Variants in NALF1 observed in about 807,000 individuals in gnomAD.
NALF1 encodes the protein NALCN channel auxiliary factor 1, also known as family with sequence similarity 155 member A.
A neutral mutation model predicts 48.4 loss-of-function variants in NALF1; 3 were observed. The observed-to-expected ratio is 0.06, with a 90% confidence interval of 0.03 to 0.16. The LOEUF is 0.16. NALF1 is among the 10% of genes least tolerant of loss of function. NALF1 has a pLI of 1.00. For synonymous variants in NALF1, 262 were observed against 245.7 expected (o/e 1.07, Z -0.62); for missense variants, 526 against 571.5 (o/e 0.92, Z 0.81).
chr13:107,660,533 G>C (rs576506368), intron 1 of NALF1, among the ~76,000 whole-genome samples: 1 of 151,024 alleles, frequency 6.6e-6, no homozygotes, highest in African/African-American at 2.4e-5. Flanking sequence ...AAAACTTACT[G>C]TTCATATGAA....
chr13:107,590,549 G>C (rs1464103460), intron 1 of NALF1, among the ~76,000 whole-genome samples: 2 of 151,702 alleles, frequency 1.3e-5, no homozygotes, highest in Non-Finnish European at 2.9e-5. Flanking sequence ...ATAATGTTTT[G>C]TATATTTGGT....
chr13:107,262,551 C>G (rs1012319265), intron 1 of NALF1, among the ~76,000 whole-genome samples: 1 of 152,160 alleles, frequency 6.6e-6, no homozygotes, highest in Non-Finnish European at 1.5e-5. Flanking sequence ...AATTCACTTC[C>G]AAAATGTATG....
chr13:107,818,701 T>G (rs1879251150), intron 1 of NALF1, among the ~76,000 whole-genome samples: 1 of 149,740 alleles, frequency 6.7e-6, no homozygotes. Flanking sequence ...TGAAACCCCG[T>G]CTCTACTAAA....
intron 1 of NALF1, among the ~76,000 whole-genome samples, chr13:107,727,137 C>T (rs1335470010): frequency 6.6e-6 from 1 of 151,680 alleles, no homozygotes; most frequent in Non-Finnish European, 1.5e-5. Flanking sequence ...TAAAGGATAT[C>T]GCATATTTAA....
At chr13:107,840,368 G>C (rs1880010631) in intron 1 of NALF1, among the ~76,000 whole-genome samples, 1 of 152,202 alleles carries the variant, frequency 6.6e-6, no homozygotes, top group Non-Finnish European at 1.5e-5. Flanking sequence ...AGTGGCAGTA[G>C]GTGGTCCATA....
At chr13:107,184,681 C>T (rs1473081890) in intron 2 of NALF1, among the ~76,000 whole-genome samples, 2 of 152,146 alleles carry the variant, frequency 1.3e-5, no homozygotes, top group Non-Finnish European at 2.9e-5. Context: ...GTTTAAAGGG[C>T]CTTTTTGTCC....
At chr13:107,722,813 A>G (rs1212713198) in intron 1 of NALF1, among the ~76,000 whole-genome samples, 1 of 152,188 alleles carries the variant, frequency 6.6e-6, no homozygotes, top group African/African-American at 2.4e-5. Context: ...CACTCAGCCC[A>G]GTCAGCTCAG....
rs78934003 is a variant in NALF1 at position 107,418,387 on chromosome 13, C to T, written c.916-207632G>A. Among the ~76,000 whole-genome samples, 80 of 152,206 alleles carry T rather than the reference C, an allele frequency of 5.3e-4. 2 individuals carry two copies. In the East Asian group the frequency reaches 0.014, roughly 27 times the overall value. Reference sequence around the variant, plus strand: ...CAACTCCCAATATGAGGCTGTAAAACGATTGTGCTTGTGGCTTGCAGCTTG... The same window carrying T: ...CAACTCCCAATATGAGGCTGTAAAATGATTGTGCTTGTGGCTTGCAGCTTG... On this transcript the variant is annotated intron_variant, in intron 1 of 2. Coordinates refer to ENST00000375915, the MANE Select transcript of NALF1 (RefSeq NM_001080396.3).
chr13:107,498,252 C>G (rs1397558543), intron 1 of NALF1, among the ~76,000 whole-genome samples: 1 of 151,900 alleles, frequency 6.6e-6, no homozygotes, highest in Non-Finnish European at 1.5e-5. Context: ...AAAATTCAGG[C>G]AGATATCATG....
chr13:107,685,611 CT>C (rs1410202681), intron 1 of NALF1, among the ~76,000 whole-genome samples: 1 of 152,102 alleles, frequency 6.6e-6, no homozygotes, highest in East Asian at 1.9e-4. Context: ...GAAGAGCAGT[CT>C]TTTATGACAT....
chr13:107,176,414 A>G (rs1055953137), intron 2 of NALF1, among the ~76,000 whole-genome samples: 1 of 148,936 alleles, frequency 6.7e-6, no homozygotes, highest in Non-Finnish European at 1.5e-5. Context: ...AGGTCGAGGC[A>G]GGCAGATCAC....
At chr13:107,813,529 CTATT>C (rs1879062189) in intron 1 of NALF1, among the ~76,000 whole-genome samples, 1 of 152,058 alleles carries the variant, frequency 6.6e-6, no homozygotes, top group Non-Finnish European at 1.5e-5. Context: ...ATAACAGGTA[CTATT>C]TATTACAAAT....
At chr13:107,343,819 T>C (rs767248312) in intron 1 of NALF1, among the ~76,000 whole-genome samples, 59 of 151,832 alleles carry the variant, frequency 3.9e-4, no homozygotes, top group Non-Finnish European at 5.3e-4. Flanking sequence ...AAGAACGAAG[T>C]AAACAGGTAG....
intron 2 of NALF1, among the ~76,000 whole-genome samples, chr13:107,183,390 T>C (rs1879107345): frequency 6.6e-6 from 1 of 152,210 alleles, no homozygotes; most frequent in African/African-American, 2.4e-5. Context: ...TTTATACTGT[T>C]GGCGGGAATG....
chr13:107,778,658 G>T (rs567268440), intron 1 of NALF1, among the ~76,000 whole-genome samples: 6 of 152,104 alleles, frequency 3.9e-5, no homozygotes, highest in African/African-American at 1.4e-4. Context: ...GTTTAGAAGG[G>T]CCTAAGCACA....
chr13:107,682,015 TG>T (rs1881317705), intron 1 of NALF1, among the ~76,000 whole-genome samples: 1 of 152,206 alleles, frequency 6.6e-6, no homozygotes, highest in African/African-American at 2.4e-5. Context: ...GATGACCTCC[TG>T]GTCTTTTATT....
chr13:107,616,495 T>C (rs944116698), intron 1 of NALF1, among the ~76,000 whole-genome samples: 3 of 152,222 alleles, frequency 2.0e-5, no homozygotes, highest in East Asian at 1.9e-4. Flanking sequence ...TTATTTTTGA[T>C]GGAAATGTGT....
chr13:107,865,877 A>G lies in NALF1; in HGVS notation c.720T>C (p.Ser240=). ...TLWELFSGLS[S]PNTLNCSLDV... is the part of the protein sequence containing the mutation. ...CCAGACTGCAGTTCAAAGTGTTGGG[A>G]CTGGACAACCCCGAGAACAACTCCC... The change falls in exon 1 of 3, where the codon AGT becomes AGC. Residue 240 remains serine (S), a synonymous_variant. Coordinates refer to ENST00000375915, the MANE Select transcript of NALF1 (RefSeq NM_001080396.3). 6.2e-7 allele frequency: 1 copy of G among 1,614,012 alleles called. No homozygotes were observed. The highest frequency in any genetic ancestry group is 8.5e-7 in the Non-Finnish European group (1 of 1,180,012).
chr13:107,553,911 C>G (rs1877374122), intron 1 of NALF1, among the ~76,000 whole-genome samples: 1 of 152,168 alleles, frequency 6.6e-6, no homozygotes, highest in African/African-American at 2.4e-5. Context: ...AAGTGCCTGG[C>G]AAAGTCCACA....
Sources: allele counts gnomAD v4.1 joint callset (sites outside exome capture counted in the v4.1 genomes callset), GRCh38; gene constraint gnomAD v4.1.1; transcripts MANE v1.5; gene names NCBI Gene and HGNC (gene_info 2026-07-23, HGNC 2026-07-21).